SGCG: variants seen among roughly 807,000 people sequenced by gnomAD.
The protein encoded by SGCG is gamma-sarcoglycan.
In SGCG, 26 loss-of-function variants were observed where a neutral mutation model predicts 29.3. The ratio of observed to expected loss-of-function variants is 0.89; its 90% confidence interval spans 0.65 to 1.23. The LOEUF is 1.23. Among genes scored for constraint, SGCG ranks in the 50% most tolerant of loss-of-function variants. SGCG has a pLI of 0.00. For missense variants in SGCG, 353 were observed against 356.0 expected (o/e 0.99, Z 0.07); for synonymous variants, 145 against 129.7 (o/e 1.12, Z -0.80).
intron 1 of SGCG, among the ~76,000 whole-genome samples, chr13:23,195,044 A>C (rs1235213528): frequency 6.6e-6 from 1 of 152,184 alleles, no homozygotes; most frequent in Non-Finnish European, 1.5e-5. Flanking sequence ...CTATGTGAGC[A>C]CTAAGTCAGA....
At chr13:23,274,395 CTTTTTTT>C (rs869153381) in intron 4 of SGCG, among the ~76,000 whole-genome samples, 17 of 85,230 alleles carry the variant, frequency 2.0e-4, no homozygotes, top group East Asian at 1.5e-3. Context: ...CTTTCTTTCT[CTTTTTTT>C]TTTTTTTTTT....
At chr13:23,314,969 C>T (rs558691277) in intron 6 of SGCG, among the ~76,000 whole-genome samples, 5 of 152,270 alleles carry the variant, frequency 3.3e-5, no homozygotes, top group African/African-American at 9.6e-5. Flanking sequence ...GTCCAGAACA[C>T]GAGAATGCTC....
At chr13:23,287,088 C>T (rs1215086258) in intron 5 of SGCG, among the ~76,000 whole-genome samples, 1 of 152,172 alleles carries the variant, frequency 6.6e-6, no homozygotes, top group Non-Finnish European at 1.5e-5. Context: ...TGTATATTTC[C>T]TTCTCCTTTC....
intron 5 of SGCG, among the ~76,000 whole-genome samples, chr13:23,282,936 T>C (rs1881362040): frequency 6.6e-6 from 1 of 152,162 alleles, no homozygotes; most frequent in African/African-American, 2.4e-5. Context: ...TTTGAGTGAG[T>C]TTCTTAATCC....
chr13:23,188,010 G>C lies in SGCG; in HGVS notation c.-1+6935G>C, dbSNP rs151280284. 5.3e-4 allele frequency among the ~76,000 whole-genome samples: 80 copies of C among 152,172 alleles called. No individual in the cohort carries two copies. In the East Asian group the frequency reaches 0.015, roughly 29 times the overall value. ...ATCAAGGATGCATCTAACCCCACAG[G>C]GGCACCAGCAGGTCCAGCCTGCAGT... On this transcript the variant is annotated intron_variant, in intron 1 of 7. Coordinates refer to ENST00000218867, the MANE Select transcript of SGCG (RefSeq NM_000231.3).
chr13:23,244,956 G>T (rs1879646204), intron 3 of SGCG: 1 of 152,240 alleles, frequency 6.6e-6, no homozygotes, highest in African/African-American at 2.4e-5. Flanking sequence ...AAACACAGGT[G>T]CCCCGGGAGC....
chr13:23,288,827 C>T (rs1489199457), intron 5 of SGCG, among the ~76,000 whole-genome samples: 2 of 152,210 alleles, frequency 1.3e-5, no homozygotes, highest in African/African-American at 4.8e-5. Context: ...TCCCTGGCAA[C>T]AATTTGCTAG....
At chr13:23,278,443 C>CAAA (rs35645325) in intron 4 of SGCG, among the ~76,000 whole-genome samples, 8 of 129,626 alleles carry the variant, frequency 6.2e-5, no homozygotes, top group Non-Finnish European at 7.9e-5. Context: ...AACTCTGTCT[C>CAAA]AAAAAAAAAA....
intron 2 of SGCG, among the ~76,000 whole-genome samples, chr13:23,222,970 C>T (rs4769243): frequency 0.73 from 110,742 of 151,916 alleles, 40,623 homozygotes; most frequent in East Asian, 0.92. Context: ...CTCAACATTT[C>T]GGGGGCCCAG....
intron 4 of SGCG, among the ~76,000 whole-genome samples, chr13:23,251,004 C>G (rs761405345): frequency 6.6e-6 from 1 of 152,144 alleles, no homozygotes; most frequent in Non-Finnish European, 1.5e-5. Flanking sequence ...AAGACTCTTG[C>G]AGCAACCAAA....
chr13:23,206,924 C>A lies in SGCG; in HGVS notation c.195+3035C>A, dbSNP rs1073717. Among the ~76,000 whole-genome samples, 344 of 152,248 alleles carry A rather than the reference C, an allele frequency of 2.3e-3. 2 individuals are homozygous for A. Among genetic ancestry groups the A allele is most frequent in the African/African-American group, 7.9e-3 (327 of 41,564 alleles). ...TCTGTAGATTCAGTGCAATTCCCAT[C>A]AAAATTCCAATGTTATATTTTTTAC... On this transcript the variant is annotated intron_variant, in intron 2 of 7. Coordinates refer to ENST00000218867, the MANE Select transcript of SGCG (RefSeq NM_000231.3).
upstream of SGCG, among the ~76,000 whole-genome samples, chr13:23,178,017 G>A (rs541685436): frequency 6.6e-6 from 1 of 152,308 alleles, no homozygotes; most frequent in East Asian, 1.9e-4. Flanking sequence ...GCACAGAAGA[G>A]ATGAACAGGG....
chr13:23,249,578 C>T (rs767613411), intron 3 of SGCG, among the ~76,000 whole-genome samples: 9 of 151,894 alleles, frequency 5.9e-5, no homozygotes, highest in Non-Finnish European at 1.2e-4. Flanking sequence ...TTAAAAAACC[C>T]AAACAAAATA....
intron 5 of SGCG, among the ~76,000 whole-genome samples, chr13:23,287,696 T>C (rs1019942109): frequency 1.3e-5 from 2 of 152,216 alleles, no homozygotes; most frequent in Admixed American, 1.3e-4. Context: ...TCTTTTTTAT[T>C]TCATATAATT....
intron 1 of SGCG, among the ~76,000 whole-genome samples, chr13:23,188,488 T>C (rs632485): frequency 0.033 from 4,324 of 130,444 alleles, 268 homozygotes; most frequent in African/African-American, 0.11. Context: ...TAATTTTTTT[T>C]TTTTTTTTTT....
chr13:23,310,339 G>C (rs558149785), intron 6 of SGCG, among the ~76,000 whole-genome samples: 1 of 152,090 alleles, frequency 6.6e-6, no homozygotes, highest in South Asian at 2.1e-4. Context: ...GCCCGCCTCG[G>C]CCTCCCAAAG....
chr13:23,316,356 A>C (rs1242416449), intron 6 of SGCG, among the ~76,000 whole-genome samples: 3 of 152,192 alleles, frequency 2.0e-5, no homozygotes, highest in African/African-American at 7.2e-5. Flanking sequence ...GGTATTCCAC[A>C]CAGCATTGCC....
chr13:23,216,219 A>G (rs918151315), intron 2 of SGCG, among the ~76,000 whole-genome samples: 24 of 152,114 alleles, frequency 1.6e-4, no homozygotes, highest in African/African-American at 5.3e-4. Context: ...CCCATTCAGA[A>G]CCCCTGAATT....
At chr13:23,289,964 T>G (rs1223844643) in intron 5 of SGCG, among the ~76,000 whole-genome samples, 2 of 152,130 alleles carry the variant, frequency 1.3e-5, no homozygotes, top group African/African-American at 2.4e-5. Context: ...GTACACGTAA[T>G]CAGCGAAGGT....
Sources: gnomAD v4.1 joint callset for allele counts (sites outside exome capture counted in the v4.1 genomes callset) on GRCh38, gnomAD v4.1.1 for gene constraint, MANE v1.5 for transcripts, NCBI Gene and HGNC (gene_info 2026-07-23, HGNC 2026-07-21) for gene names.